KALRN: variants seen among roughly 807,000 people sequenced by gnomAD.
KALRN encodes the protein kalirin.
In KALRN, 70 loss-of-function variants were observed where a neutral mutation model predicts 353.7. That is an observed-to-expected ratio of 0.20 (90% CI 0.16 to 0.24). The LOEUF (loss-of-function observed/expected upper bound fraction) is 0.24. Ranked by LOEUF, KALRN falls within the 10% of genes least tolerant of loss-of-function variation. The pLI is 1.00. For missense variants in KALRN, 2,791 were observed against 3,756.7 expected (o/e 0.74, Z 6.72); for synonymous variants, 1,391 against 1,434.8 (o/e 0.97, Z 0.69).
intron 27 of KALRN, among the ~76,000 whole-genome samples, chr3:124,480,329 G>C (rs75228973): frequency 0.014 from 2,114 of 152,124 alleles, 21 homozygotes; most frequent in Non-Finnish European, 0.022. Flanking sequence ...CTACTTTCTG[G>C]GATAGAAATC....
chr3:124,456,586 C>A, intron 22 of KALRN, 24 bp from the exon 23 acceptor site: 3 of 1,537,396 alleles, frequency 2.0e-6, no homozygotes, highest in Non-Finnish European at 2.7e-6. Context: ...CACAAGGTGA[C>A]CTTTGTGATC....
At chr3:124,101,245 G>C (rs947751028) in intron 1 of KALRN, among the ~76,000 whole-genome samples, 3 of 152,182 alleles carry the variant, frequency 2.0e-5, no homozygotes, top group Non-Finnish European at 2.9e-5. Flanking sequence ...ATTGCTCTCA[G>C]TTCAGGCTGC....
intron 57 of KALRN, among the ~76,000 whole-genome samples, chr3:124,704,008 G>A (rs1238127785): frequency 6.6e-6 from 1 of 152,158 alleles, no homozygotes. Context: ...CTCAGGGTCA[G>A]GGAGGTTAAG....
chr3:124,214,254 G>A (rs1489155440), intron 1 of KALRN, among the ~76,000 whole-genome samples: 1 of 151,882 alleles, frequency 6.6e-6, no homozygotes, highest in African/African-American at 2.4e-5. Flanking sequence ...CAATATACCG[G>A]AAAATTTCCC....
intron 1 of KALRN, among the ~76,000 whole-genome samples, chr3:124,154,956 A>T (rs1487778513): frequency 3.3e-5 from 5 of 152,244 alleles, no homozygotes; most frequent in Non-Finnish European, 5.9e-5. Context: ...ATAACGCCAC[A>T]TATATACAAC....
chr3:124,158,078 C>T (rs771492254), intron 1 of KALRN, among the ~76,000 whole-genome samples: 1 of 152,218 alleles, frequency 6.6e-6, no homozygotes, highest in Non-Finnish European at 1.5e-5. Flanking sequence ...CAGAGAGGCT[C>T]ACAGGTGTGC....
At chr3:124,192,943 A>G (rs755042085) in intron 1 of KALRN, among the ~76,000 whole-genome samples, 1 of 152,240 alleles carries the variant, frequency 6.6e-6, no homozygotes, top group Non-Finnish European at 1.5e-5. Context: ...TTAACTATTA[A>G]ACTAGGCATT....
intron 34 of KALRN, among the ~76,000 whole-genome samples, chr3:124,582,245 T>A (rs1490612300): frequency 6.6e-6 from 1 of 152,174 alleles, no homozygotes; most frequent in East Asian, 1.9e-4. Flanking sequence ...AGTCTTGAAG[T>A]CCTGACCTCA....
intron 1 of KALRN, chr3:124,094,790 T>G: frequency 4.7e-4 from 715 of 1,525,568 alleles, no homozygotes; most frequent in Non-Finnish European, 5.8e-4. Context: ...GGTGGTGGGA[T>G]GAGGCTCTGC....
At chr3:124,328,840 C>G (rs910950679) in intron 7 of KALRN, among the ~76,000 whole-genome samples, 23 of 152,152 alleles carry the variant, frequency 1.5e-4, no homozygotes, top group African/African-American at 5.3e-4. Context: ...TTTTTTAATG[C>G]AATTTCTGCA....
At chr3:124,546,472 G>A (rs2069678500) in intron 33 of KALRN, among the ~76,000 whole-genome samples, 1 of 151,300 alleles carries the variant, frequency 6.6e-6, no homozygotes, top group Non-Finnish European at 1.5e-5. Flanking sequence ...TCAATAAAAA[G>A]AGTGAGAGAG....
chr3:124,491,228 C>T, intron 30 of KALRN, 95 bp from the exon 31 acceptor site: 1 of 751,588 alleles, frequency 1.3e-6, no homozygotes. Context: ...TCCCTCGGTC[C>T]TCTCCTCTTT....
intron 13 of KALRN, among the ~76,000 whole-genome samples, chr3:124,405,194 T>G (rs916044244): frequency 1.5e-4 from 23 of 152,230 alleles, no homozygotes; most frequent in Admixed American, 1.5e-3. Flanking sequence ...CGTCCTTTTT[T>G]AAAAAAATCA....
At position 124,719,108 on chromosome 3, in the gene KALRN, G is replaced by A. The variant is rs2063297350; in HGVS notation, c.8599G>A (p.Gly2867Arg). 6.2e-7 allele frequency: 1 copy of A among 1,614,232 alleles called. No individual in the cohort carries two copies. Among genetic ancestry groups the A allele is most frequent in the Non-Finnish European group, 8.5e-7 (1 of 1,180,042 alleles). Residue 2867 changes from glycine (G) to arginine (R), a missense_variant, in exon 60 of 60, where the codon GGG (glycine) becomes AGG (arginine). By Grantham distance (125) the Gly-to-Arg change is moderately radical. Transcript: ENST00000682506. The surrounding 1 kb of genome is among the most constrained non-coding windows in gnomAD (Gnocchi z 5.3). Reference protein sequence around the residue: ...VSLGTDIWSIGVLTYVMLSGV... With the variant: ...VSLGTDIWSIRVLTYVMLSGV... ...CCTGGGGACAGACATCTGGAGCATC[G>A]GGGTTCTGACATATGTCATGCTGAG...
Position 124,241,031 on chromosome 3 carries a change from G to A in KALRN, c.263+6088G>A, listed in dbSNP as rs142724875. On this transcript the variant is annotated intron_variant, in intron 3 of 59. Transcript: ENST00000682506. ...ATATGAGGGACTAGATGCAGTGTAT[G>A]TAAAGGTTATGAAGCACAATAATAA... Among the ~76,000 whole-genome samples, 443 of 152,230 alleles carry A rather than the reference G, an allele frequency of 2.9e-3. 7 individuals carry two copies. Among genetic ancestry groups the A allele is most frequent in the Admixed American group, 0.026 (403 of 15,296 alleles).
intron 25 of KALRN, among the ~76,000 whole-genome samples, chr3:124,464,870 A>C (rs544728685): frequency 6.6e-6 from 1 of 151,870 alleles, no homozygotes; most frequent in African/African-American, 2.4e-5. Flanking sequence ...AAAAAAAAAA[A>C]AAAAAACCTC....
At chr3:124,419,428 G>T (rs1040818154) in intron 14 of KALRN, among the ~76,000 whole-genome samples, 1 of 151,730 alleles carries the variant, frequency 6.6e-6, no homozygotes, top group African/African-American at 2.4e-5. Context: ...GCTCAGAGAG[G>T]GTAAGAAGCC....
chr3:124,414,338 C>T (rs532861935), intron 14 of KALRN, among the ~76,000 whole-genome samples: 14 of 152,288 alleles, frequency 9.2e-5, no homozygotes, highest in Admixed American at 9.2e-4. Flanking sequence ...CTCTTCTGCT[C>T]CCGATCCCTG....
At chr3:124,338,653 C>T (rs765685543) in intron 9 of KALRN, among the ~76,000 whole-genome samples, 61 of 152,166 alleles carry the variant, frequency 4.0e-4, no homozygotes, top group South Asian at 8.3e-4. Context: ...CTATTAGGTC[C>T]GCTTGGTCCA....
Sources: allele counts gnomAD v4.1 joint callset (sites outside exome capture counted in the v4.1 genomes callset), GRCh38; gene constraint gnomAD v4.1.1; non-coding constraint Gnocchi (gnomAD v3.1); transcripts MANE v1.5; gene names NCBI Gene and HGNC (gene_info 2026-07-23, HGNC 2026-07-21).